The following NFX1 variants were observed in gnomAD, a reference collection of about 807,000 sequenced individuals.
NFX1 encodes the protein nuclear transcription factor, X-box binding 1, also known as transcriptional repressor NF-X1.
Under a neutral mutation model 137.2 loss-of-function variants are expected in NFX1, and 69 were observed. The observed-to-expected ratio is 0.50, with a 90% CI of 0.41 to 0.61. The LOEUF is 0.61. NFX1 is among the 20% of genes least tolerant of loss of function. The pLI is 0.00. For synonymous variants in NFX1, 495 were observed against 474.1 expected (o/e 1.04, Z -0.57); for missense variants, 1,167 against 1,391.0 (o/e 0.84, Z 2.56).
Position 33,354,207 on chromosome 9 carries a change from TA to T in NFX1, c.2831+21del, listed in dbSNP as rs763066787. ...AGCCAGGTAATTTTTAAAATGCATA[TA>T]TGTGCCTTCTTTCTTCAATTAGACT... is the stretch of plus-strand genomic sequence containing the variant. On this transcript the variant is annotated intron_variant, in intron 18 of 23. Coordinates refer to ENST00000379540, the MANE Select transcript of NFX1 (RefSeq NM_002504.6). 7.6e-6 allele frequency: 12 copies of T among 1,575,250 alleles called. No homozygotes were observed. The highest frequency in any genetic ancestry group is 5.4e-5 in the African/African-American group (4 of 73,434).
At chr9:33,315,036 A>C (rs1416380423) in intron 7 of NFX1, among the ~76,000 whole-genome samples, 3 of 152,166 alleles carry the variant, frequency 2.0e-5, no homozygotes, top group African/African-American at 7.2e-5. Flanking sequence ...CTTCCTCTCC[A>C]TTACTGCAAT....
At chr9:33,299,562 C>T (rs558052472) in intron 2 of NFX1, among the ~76,000 whole-genome samples, 1 of 152,206 alleles carries the variant, frequency 6.6e-6, no homozygotes, top group South Asian at 2.1e-4. Flanking sequence ...GTGGCACACG[C>T]TTGTGGTCCC....
chr9:33,337,369 A>G (rs1291314232), intron 11 of NFX1, among the ~76,000 whole-genome samples: 1 of 152,192 alleles, frequency 6.6e-6, no homozygotes, highest in Non-Finnish European at 1.5e-5. Context: ...GTTATATGCA[A>G]ATATTATACC....
chr9:33,318,976 A>G lies in NFX1; in HGVS notation c.1755A>G (p.Pro585=). 6.2e-7 allele frequency: 1 copy of G among 1,614,228 alleles called. No homozygotes were observed. Among genetic ancestry groups the G allele is most frequent in the African/African-American group, 1.3e-5 (1 of 75,068 alleles). Residue 585 remains proline (P), a synonymous_variant, in exon 9 of 24, where the codon CCA becomes CCG. Coordinates refer to ENST00000379540, the MANE Select transcript of NFX1 (RefSeq NM_002504.6). The part of the protein sequence containing the change: ...VCHPQPCQQC[P]RLPQLVRCCP... ...ACCCTCAGCCCTGCCAGCAATGCCC[A>G]CGGCTCCCCCAGCTGGTGCGCTGTT...
At chr9:33,303,314 G>T in intron 4 of NFX1, 46 bp downstream of exon 4, 1 of 1,523,164 alleles carries the variant, frequency 6.6e-7, no homozygotes, top group East Asian at 2.3e-5. Context: ...TACATACATT[G>T]TACCTCAGTT....
chr9:33,322,036 A>T (rs1822404432), intron 9 of NFX1, among the ~76,000 whole-genome samples: 1 of 151,864 alleles, frequency 6.6e-6, no homozygotes, highest in Non-Finnish European at 1.5e-5. Context: ...CCCCGTCTCT[A>T]CTAAAAATAC....
chr9:33,327,038 T>A (rs1429465705), intron 9 of NFX1, among the ~76,000 whole-genome samples: 2 of 151,912 alleles, frequency 1.3e-5, no homozygotes, highest in Admixed American at 1.3e-4. Flanking sequence ...TAAAAAATAT[T>A]GACAAAATGC....
At chr9:33,331,293 GATAA>G (rs766542107) in intron 10 of NFX1, among the ~76,000 whole-genome samples, 4 of 152,170 alleles carry the variant, frequency 2.6e-5, no homozygotes, top group Non-Finnish European at 5.9e-5. Flanking sequence ...GAGTTTTCTA[GATAA>G]ATAAAACATT....
intron 7 of NFX1, among the ~76,000 whole-genome samples, chr9:33,314,902 A>G (rs1412869245): frequency 6.6e-6 from 1 of 152,190 alleles, no homozygotes; most frequent in Non-Finnish European, 1.5e-5. Flanking sequence ...TATGTAAAAT[A>G]TTTGTGTTTA....
Position 33,366,619 on chromosome 9 carries a change from C to T in NFX1, c.3040-10C>T, listed in dbSNP as rs1225345260. On this transcript the variant is annotated splice_polypyrimidine_tract_variant and intron_variant, in intron 21 of 23. Transcript: ENST00000379540. ...ATATGATCAATCAGTCATCTTTTCCCTCAATACAGGGAAAGAATAGTAAGA... is the reference window on the plus strand; with the variant it reads ...ATATGATCAATCAGTCATCTTTTCCTTCAATACAGGGAAAGAATAGTAAGA... 2 of 1,613,432 alleles carry T rather than the reference C, an allele frequency of 1.2e-6. No homozygotes were observed. The highest frequency in any genetic ancestry group is 1.7e-6 in the Non-Finnish European group (2 of 1,179,790).
At chr9:33,325,704 T>C (rs968137103) in intron 9 of NFX1, among the ~76,000 whole-genome samples, 3 of 152,018 alleles carry the variant, frequency 2.0e-5, no homozygotes, top group African/African-American at 7.2e-5. Flanking sequence ...CAACCAAGAA[T>C]CTTACATCTC....
At chr9:33,347,435 C>T (rs1213759462) in intron 15 of NFX1, among the ~76,000 whole-genome samples, 1 of 152,176 alleles carries the variant, frequency 6.6e-6, no homozygotes, top group Non-Finnish European at 1.5e-5. Context: ...CTTCTGAAAA[C>T]CAATGTTGTC....
intron 15 of NFX1, 71 bp downstream of exon 15, chr9:33,347,188 G>T: frequency 1.7e-6 from 2 of 1,172,994 alleles, no homozygotes; most frequent in East Asian, 2.4e-5. Context: ...AGAATTGTTA[G>T]TCTCATCGTC....
At position 33,348,703 on chromosome 9, in the gene NFX1, C is replaced by T. The variant is rs1013526068; in HGVS notation, c.2424+1586C>T. 68 of 959,130 alleles carry T rather than the reference C, an allele frequency of 7.1e-5. No individual in the cohort carries two copies. The African/African-American group carries it at 1.2e-3, about 16-fold the overall frequency. 59.4% of individuals were successfully genotyped at this position (959,130 alleles called of 1,614,324 possible). On this transcript the variant is annotated intron_variant, in intron 15 of 23. Transcript: ENST00000379540. ...TAAAAAATGTGATATCTATGAAATG[C>T]AATAAAGTGAAGTCCAATAAGAAAT...
At position 33,354,088 on chromosome 9, in the gene NFX1, T is replaced by G. The variant is rs749694529; in HGVS notation, c.2732T>G (p.Ile911Arg). ...CSEASSTYQR[I>R]AAISMASKIT... ...TCCCTTTCTTTTTTATATTTCAGAA[T>G]AGCTGCAATCTCCATGGCCTCTAAG... Residue 911 changes from isoleucine (I) to arginine (R), a missense_variant and splice_region_variant, in exon 18 of 24, where the codon ATA becomes AGA. Ile to Arg is a moderately conservative substitution (Grantham distance 97, BLOSUM62 -3). Transcript: ENST00000379540. The G allele has an allele frequency of 2.5e-6, 4 of 1,605,916 alleles. No individual in the cohort carries two copies. In the South Asian group the frequency reaches 4.5e-5, roughly 18 times the overall value.
chr9:33,325,845 C>T (rs1361297209), intron 9 of NFX1, among the ~76,000 whole-genome samples: 2 of 152,040 alleles, frequency 1.3e-5, no homozygotes, highest in African/African-American at 2.4e-5. Context: ...TTCAAATCCA[C>T]ATGAAAAGAC....
chr9:33,326,265 T>C (rs1322572022), intron 9 of NFX1, among the ~76,000 whole-genome samples: 1 of 151,726 alleles, frequency 6.6e-6, no homozygotes, highest in Non-Finnish European at 1.5e-5. Context: ...ATACAAAAAT[T>C]AGTGTGGTGT....
intron 21 of NFX1, chr9:33,365,390 C>CT (rs1185208486): frequency 6.6e-6 from 1 of 152,478 alleles, no homozygotes; most frequent in Non-Finnish European, 1.5e-5. Flanking sequence ...AGGCGGATCA[C>CT]TTGAGTCCAG....
At chr9:33,353,179 C>A (rs1170828112) in intron 17 of NFX1, among the ~76,000 whole-genome samples, 2 of 152,192 alleles carry the variant, frequency 1.3e-5, no homozygotes, top group East Asian at 3.8e-4. Flanking sequence ...CTTCCTCTTT[C>A]TTTTTTTCTC....
Sources: allele counts gnomAD v4.1 joint callset (sites outside exome capture counted in the v4.1 genomes callset), GRCh38; gene constraint gnomAD v4.1.1; transcripts MANE v1.5; gene names NCBI Gene and HGNC (gene_info 2026-07-23, HGNC 2026-07-21).